PUDP: variants seen among roughly 807,000 people sequenced by gnomAD.
PUDP encodes the protein pseudouridine 5'-phosphatase, also known as pseudouridine-5'-phosphatase.
A neutral mutation model predicts 9.4 loss-of-function variants in PUDP; 8 were observed. The observed-to-expected ratio is 0.85, with a 90% confidence interval of 0.50 to 1.53. The LOEUF is 1.53. Among genes scored for constraint, PUDP ranks in the 40% most tolerant of loss-of-function variants. PUDP has a pLI of 0.00. For synonymous variants in PUDP, 99 were observed against 80.7 expected (o/e 1.23, Z -1.22); for missense variants, 188 against 189.7 (o/e 0.99, Z 0.05).
intron 3 of PUDP, among the ~76,000 whole-genome samples, chrX:6,772,795 C>CA (rs754764153): frequency 8.0e-5 from 7 of 87,197 alleles, no homozygotes; most frequent in Non-Finnish European, 1.5e-4. Flanking sequence ...AACAAACAAA[C>CA]AACAACAACA....
intron 3 of PUDP, among the ~76,000 whole-genome samples, chrX:6,923,831 T>G (rs1431357485): frequency 1.8e-5 from 2 of 111,526 alleles, no homozygotes; most frequent in Non-Finnish European, 3.8e-5. Context: ...AGCCAAAGGC[T>G]TGACTGTGAC....
At chrX:6,894,488 C>T (rs1019228281) in intron 3 of PUDP, among the ~76,000 whole-genome samples, 2 of 112,115 alleles carry the variant, frequency 1.8e-5, no homozygotes, top group African/African-American at 3.2e-5. Context: ...GTTTCTGTAG[C>T]GGAGACGTGC....
intron 3 of PUDP, among the ~76,000 whole-genome samples, chrX:6,938,786 C>CTTTTTT (rs764265665): frequency 6.0e-5 from 5 of 83,430 alleles, no homozygotes; most frequent in African/African-American, 1.8e-4. Context: ...TTCTTTCTTT[C>CTTTTTT]TTTTTTTTTT....
intron 3 of PUDP, among the ~76,000 whole-genome samples, chrX:6,926,286 C>T (rs1048056474): frequency 1.8e-5 from 2 of 112,036 alleles, no homozygotes; most frequent in Admixed American, 9.5e-5. Context: ...TCACGAATTC[C>T]GCACCCGTAG....
At chrX:6,765,633 A>G (rs1309578874) in intron 3 of PUDP, among the ~76,000 whole-genome samples, 1 of 112,097 alleles carries the variant, frequency 8.9e-6, no homozygotes, top group Non-Finnish European at 1.9e-5. Context: ...AATAAACCTT[A>G]AAAACATTAG....
At chrX:7,053,317 A>C (rs1234825340) in intron 3 of PUDP, among the ~76,000 whole-genome samples, 1 of 111,395 alleles carries the variant, frequency 9.0e-6, no homozygotes, top group Admixed American at 9.5e-5. Context: ...CCAAAGAGAT[A>C]ATGGAAGGCA....
chrX:6,834,455 G>T (rs1382961611), intron 3 of PUDP, among the ~76,000 whole-genome samples: 2 of 110,798 alleles, frequency 1.8e-5, no homozygotes, highest in Non-Finnish European at 3.8e-5. Context: ...GGCTCATCGG[G>T]TCTCCATACT....
intron 3 of PUDP, among the ~76,000 whole-genome samples, chrX:6,936,896 A>G (rs1928311672): frequency 1.1e-5 from 1 of 91,627 alleles, no homozygotes; most frequent in Non-Finnish European, 2.1e-5. Context: ...TTCAAAGAGA[A>G]TAAAATACCT....
intron 3 of PUDP, among the ~76,000 whole-genome samples, chrX:6,882,239 T>C (rs1255355840): frequency 1.8e-5 from 2 of 109,459 alleles, no homozygotes; most frequent in African/African-American, 3.3e-5. Flanking sequence ...AATTTACAAA[T>C]AATATTAGGT....
intron 1 of PUDP, among the ~76,000 whole-genome samples, chrX:7,023,939 T>C (rs1213617987): frequency 1.8e-5 from 2 of 112,265 alleles, no homozygotes; most frequent in Admixed American, 1.9e-4. Context: ...ACATATCTTC[T>C]CAAATTTATT....
intron 3 of PUDP, among the ~76,000 whole-genome samples, chrX:6,779,718 C>T (rs763494283): frequency 4.3e-4 from 48 of 111,228 alleles, no homozygotes; most frequent in Non-Finnish European, 8.5e-4. Flanking sequence ...TCTCTTGAGC[C>T]CAGGAGTTCA....
Position 6,908,121 on chromosome X carries a change from G to T in PUDP, c.*247+69012C>A, listed in dbSNP as rs780549839. ...AGTACAATACAACCATAGCATGCCC[G>T]CATGGGCTTCTTTGGGGATTCCAGA... On this transcript the variant is annotated intron_variant and NMD_transcript_variant, in intron 3 of 3. Transcript: ENST00000655425. Among the ~76,000 whole-genome samples the T allele has an allele frequency of 7.4e-4, 83 of 112,554 alleles. 1 individual carries two copies. Among genetic ancestry groups the T allele is most frequent in the Non-Finnish European group, 5.1e-4 (27 of 53,280 alleles).
chrX:6,710,978 A>C (rs1924525634), intron 1 of PUDP, among the ~76,000 whole-genome samples: 3 of 111,216 alleles, frequency 2.7e-5, no homozygotes, highest in South Asian at 7.7e-4. Flanking sequence ...AAAAGTGTGG[A>C]GCTGCACTGA....
At chrX:7,096,769 G>C (rs1303032438) in intron 2 of PUDP, among the ~76,000 whole-genome samples, 1 of 111,352 alleles carries the variant, frequency 9.0e-6, no homozygotes, top group Non-Finnish European at 1.9e-5. Flanking sequence ...CCAGCAGTTC[G>C]AGGCTGCAGT....
At chrX:7,144,822 G>A in intron 1 of PUDP, among the ~76,000 whole-genome samples, 1 of 111,863 alleles carries the variant, frequency 8.9e-6, no homozygotes, top group South Asian at 3.8e-4. Context: ...TAAGAAACTG[G>A]AAATAAGCTT....
At chrX:6,867,502 ATGT>A in intron 3 of PUDP, among the ~76,000 whole-genome samples, 1 of 109,029 alleles carries the variant, frequency 9.2e-6, no homozygotes, top group East Asian at 2.9e-4. Flanking sequence ...GATGGTGGTG[ATGT>A]TGGTGATGGT....
At chrX:6,893,601 T>C (rs12399289) in intron 3 of PUDP, among the ~76,000 whole-genome samples, 27,671 of 110,687 alleles carry the variant, frequency 0.25, 2,811 homozygotes, top group East Asian at 0.35. Context: ...GTAGTATTTA[T>C]GCATGCTATG....
At chrX:6,853,387 G>A (rs111645986) in intron 3 of PUDP, among the ~76,000 whole-genome samples, 20 of 110,318 alleles carry the variant, frequency 1.8e-4, no homozygotes, top group African/African-American at 5.9e-4. Context: ...CAAGTCCAAA[G>A]TCACTGGTAT....
chrX:6,920,102 C>T (rs999496509), intron 3 of PUDP, among the ~76,000 whole-genome samples: 1 of 108,871 alleles, frequency 9.2e-6, no homozygotes, highest in Middle Eastern at 4.3e-3. Flanking sequence ...TTAGAAGTTA[C>T]CATCTCCTGG....
Sources: gnomAD v4.1 joint callset for allele counts (sites outside exome capture counted in the v4.1 genomes callset) on GRCh38, gnomAD v4.1.1 for gene constraint, MANE v1.5 for transcripts, NCBI Gene and HGNC (gene_info 2026-07-23, HGNC 2026-07-21) for gene names.